Variants in CEP63 observed in about 807,000 individuals in gnomAD.
CEP63 encodes the protein centrosomal protein of 63 kDa.
In CEP63, 84 loss-of-function variants were observed where a neutral mutation model predicts 89.1. The ratio of observed to expected loss-of-function variants is 0.94; its 90% CI spans 0.79 to 1.13. The LOEUF (loss-of-function observed/expected upper bound fraction) is 1.13. Ranked by LOEUF, CEP63 falls within the 50% of genes most tolerant of loss-of-function variation. CEP63 has a pLI of 0.00. For synonymous variants in CEP63, 267 were observed against 272.5 expected, an observed-to-expected ratio of 0.98 and a Z score of 0.20; for missense variants, 838 against 813.3, an observed-to-expected ratio of 1.03 and a Z score of -0.37.
the CEP63 span, among the ~76,000 whole-genome samples, chr3:134,696,468 C>T: frequency 6.6e-6 from 1 of 152,216 alleles, no homozygotes. Flanking sequence ...TTGTGCTGCT[C>T]AGACTACATG....
chr3:134,539,504 A>G (rs1298160762), intron 6 of CEP63, among the ~76,000 whole-genome samples: 3 of 152,194 alleles, frequency 2.0e-5, no homozygotes, highest in Admixed American at 1.3e-4. Context: ...ACTTCTTAAT[A>G]TAATTTAATA....
At chr3:134,547,604 G>GGTCTTTTTTTTT in intron 9 of CEP63, 132 bp downstream of exon 9, 5 of 179,014 alleles carry the variant, frequency 2.8e-5, no homozygotes, top group Non-Finnish European at 4.6e-5. Context: ...AATGGCCTAA[G>GGTCTTTTTTTTT]TTCTTATTTC....
downstream of CEP63, among the ~76,000 whole-genome samples, chr3:134,592,743 G>A (rs569526355): frequency 2.4e-4 from 37 of 152,210 alleles, no homozygotes; most frequent in Middle Eastern, 3.4e-3. Flanking sequence ...TATGCAGATT[G>A]TATTTTTGAA....
At position 134,562,002 on chromosome 3, in the gene CEP63, G is replaced by C; in HGVS notation, c.*467G>C. 2 of 1,013,668 alleles carry C rather than the reference G, an allele frequency of 2.0e-6. No individual in the cohort carries two copies. Among genetic ancestry groups the C allele is most frequent in the African/African-American group, 3.5e-5 (2 of 57,538 alleles). The allele number at this position is 1,013,668 out of a possible 1,614,324, so 62.8% of individuals were successfully genotyped here. On this transcript the variant is annotated 3_prime_UTR_variant, in exon 15 of 15. Transcript: ENST00000675561. ...AGCCAACGGGGCTTGTTATTTACTG[G>C]GCTGGTAGCCCCTCCTAGCCAAGGG...
intron 3 of CEP63, among the ~76,000 whole-genome samples, chr3:134,523,048 A>G (rs960562627): frequency 6.6e-6 from 1 of 152,084 alleles, no homozygotes; most frequent in Non-Finnish European, 1.5e-5. Context: ...TTTCTCTGCA[A>G]CCTTGCCAGC....
chr3:134,517,232 A>T (rs1946450518), intron 3 of CEP63, among the ~76,000 whole-genome samples: 1 of 152,084 alleles, frequency 6.6e-6, no homozygotes, highest in Non-Finnish European at 1.5e-5. Context: ...GTCTCAGCCC[A>T]CACTTTGCTG....
At chr3:134,680,525 T>C in the CEP63 span, among the ~76,000 whole-genome samples, 5 of 152,330 alleles carry the variant, frequency 3.3e-5, no homozygotes, top group African/African-American at 1.2e-4. Flanking sequence ...AAGTAGACTT[T>C]ACTGAGCCTC....
At chr3:134,589,487 A>G (rs1327076279), downstream of CEP63, among the ~76,000 whole-genome samples, 1 of 152,156 alleles carries the variant, frequency 6.6e-6, no homozygotes, top group Non-Finnish European at 1.5e-5. Flanking sequence ...ACTTCTACCC[A>G]GCACAATCAG....
At chr3:134,606,913 G>A in the CEP63 span, 1 of 984,322 alleles carries the variant, frequency 1.0e-6, no homozygotes, top group South Asian at 4.7e-5. Flanking sequence ...CTTCCTTTCT[G>A]CTCATCTCAG....
the CEP63 span, among the ~76,000 whole-genome samples, chr3:134,746,704 G>A: frequency 6.6e-6 from 1 of 152,190 alleles, no homozygotes; most frequent in Non-Finnish European, 1.5e-5. Flanking sequence ...TCATGTGTCT[G>A]TTGGCTGCAT....
chr3:134,647,251 C>T, the CEP63 span, among the ~76,000 whole-genome samples: 2 of 152,218 alleles, frequency 1.3e-5, no homozygotes, highest in African/African-American at 4.8e-5. Flanking sequence ...AGCAGGGGAC[C>T]TGACTCCAGG....
At chr3:134,701,277 CAT>C in the CEP63 span, among the ~76,000 whole-genome samples, 3,432 of 36,042 alleles carry the variant, frequency 0.095, 527 homozygotes, top group South Asian at 0.18. Context: ...CATATACACA[CAT>C]ATATACGTAT....
At chr3:134,670,374 C>T in the CEP63 span, among the ~76,000 whole-genome samples, 1 of 152,104 alleles carries the variant, frequency 6.6e-6, no homozygotes, top group African/African-American at 2.4e-5. Flanking sequence ...TTGATGAAAA[C>T]ACTTGAGGAA....
At chr3:134,536,153 C>G (rs6763093) in intron 5 of CEP63, 47,872 of 152,020 alleles carry the variant, frequency 0.31, 7,782 homozygotes, top group African/African-American at 0.35. Flanking sequence ...ATTACAACCC[C>G]AACTGTGAAG....
At chr3:134,526,166 A>G (rs1948603843) in intron 3 of CEP63, among the ~76,000 whole-genome samples, 1 of 151,828 alleles carries the variant, frequency 6.6e-6, no homozygotes, top group Non-Finnish European at 1.5e-5. Flanking sequence ...TGCCTGTCTT[A>G]TTTCAGAGAG....
chr3:134,728,647 A>G, the CEP63 span, among the ~76,000 whole-genome samples: 1 of 152,228 alleles, frequency 6.6e-6, no homozygotes, highest in African/African-American at 2.4e-5. Context: ...GGTCATTTAT[A>G]CGATGGAGTA....
intron 6 of CEP63, among the ~76,000 whole-genome samples, chr3:134,545,376 T>A (rs7373651): frequency 6.6e-6 from 1 of 151,938 alleles, no homozygotes; most frequent in African/African-American, 2.4e-5. Flanking sequence ...GCGATCTGCC[T>A]GCCTCAGCCT....
At chr3:134,660,655 C>T in the CEP63 span, among the ~76,000 whole-genome samples, 2 of 152,180 alleles carry the variant, frequency 1.3e-5, no homozygotes, top group Non-Finnish European at 1.5e-5. Flanking sequence ...GATACAATTC[C>T]TGCTCTCAAG....
intron 12 of CEP63, among the ~76,000 whole-genome samples, chr3:134,554,010 A>G (rs1955526654): frequency 6.6e-6 from 1 of 152,204 alleles, no homozygotes; most frequent in South Asian, 2.1e-4. Context: ...CACTCATCTG[A>G]TCTTGCTCTA....
Sources: gnomAD v4.1 joint callset for allele counts (sites outside exome capture counted in the v4.1 genomes callset) on GRCh38, gnomAD v4.1.1 for gene constraint, MANE v1.5 for transcripts, NCBI Gene and HGNC (gene_info 2026-07-23, HGNC 2026-07-21) for gene names.